MCC: variants seen among roughly 807,000 people sequenced by gnomAD.
MCC encodes colorectal mutant cancer protein.
In MCC, 90 loss-of-function variants were observed where a neutral mutation model predicts 116.2. The observed-to-expected ratio is 0.77, with a 90% CI of 0.65 to 0.92. The LOEUF is 0.92. MCC is among the 40% of genes least tolerant of loss of function. The pLI, the probability that MCC is intolerant of heterozygous loss-of-function variation, is 0.00. For missense variants in MCC, 1,516 were observed against 1,312.2 expected, an observed-to-expected ratio of 1.16 and a Z score of -2.40; for synonymous variants, 578 against 510.5, an observed-to-expected ratio of 1.13 and a Z score of -1.78.
At chr5:113,354,059 C>T (rs747439932) in intron 2 of MCC, among the ~76,000 whole-genome samples, 1 of 152,142 alleles carries the variant, frequency 6.6e-6, no homozygotes, top group Non-Finnish European at 1.5e-5. Context: ...CCTTCCCTCC[C>T]CACCAAATCT....
At chr5:113,246,769 G>C (rs7724717) in intron 3 of MCC, among the ~76,000 whole-genome samples, 24,139 of 152,202 alleles carry the variant, frequency 0.16, 2,263 homozygotes, top group Admixed American at 0.29. Flanking sequence ...CTTCTGTAAA[G>C]CACTCTACTC....
chr5:113,335,954 A>G (rs978221479), intron 3 of MCC, among the ~76,000 whole-genome samples: 3 of 151,802 alleles, frequency 2.0e-5, no homozygotes, highest in African/African-American at 7.3e-5. Flanking sequence ...CGGGTAATTT[A>G]TAATGAATAG....
At chr5:113,418,004 G>C (rs1021251144) in intron 1 of MCC, among the ~76,000 whole-genome samples, 3 of 151,896 alleles carry the variant, frequency 2.0e-5, no homozygotes, top group South Asian at 4.2e-4. Context: ...TAAAGGATAT[G>C]AGACTTAAAT....
intron 3 of MCC, among the ~76,000 whole-genome samples, chr5:113,188,989 G>C (rs1325617038): frequency 1.3e-5 from 2 of 152,232 alleles, no homozygotes; most frequent in African/African-American, 2.4e-5. Context: ...TACTCTGTGA[G>C]ACACAGCTGA....
chr5:113,457,511 C>G (rs1372964568), intron 1 of MCC, among the ~76,000 whole-genome samples: 2 of 152,238 alleles, frequency 1.3e-5, no homozygotes, highest in Non-Finnish European at 2.9e-5. Context: ...ATCGATCACC[C>G]AAGCGCTGAG....
At chr5:113,241,561 T>G (rs543455785) in intron 3 of MCC, among the ~76,000 whole-genome samples, 1 of 152,198 alleles carries the variant, frequency 6.6e-6, no homozygotes, top group Non-Finnish European at 1.5e-5. Context: ...TAGAGAGAGA[T>G]TGGACCTCCA....
chr5:113,411,761 A>T (rs562033731), intron 1 of MCC, among the ~76,000 whole-genome samples: 6 of 152,274 alleles, frequency 3.9e-5, no homozygotes, highest in African/African-American at 1.2e-4. Context: ...GCTGTGCAGA[A>T]GCTCTTTAGT....
chr5:113,439,690 C>G (rs26985), intron 1 of MCC, among the ~76,000 whole-genome samples: 92,901 of 152,006 alleles, frequency 0.61, 30,890 homozygotes, highest in African/African-American at 0.88. Context: ...GTTAATAACT[C>G]ATTCAATCTC....
chr5:113,075,537 C>T (rs1754380954), intron 11 of MCC, among the ~76,000 whole-genome samples: 1 of 152,198 alleles, frequency 6.6e-6, no homozygotes, highest in Admixed American at 6.5e-5. Flanking sequence ...TTAAGTCTAG[C>T]TGGAGGATTG....
intron 3 of MCC, among the ~76,000 whole-genome samples, chr5:113,179,734 C>A (rs1406792038): frequency 6.6e-6 from 1 of 152,116 alleles, no homozygotes. Context: ...AATTAGGAAC[C>A]ACACACATTT....
intron 3 of MCC, among the ~76,000 whole-genome samples, chr5:113,173,069 C>A (rs939933988): frequency 6.6e-6 from 1 of 152,164 alleles, no homozygotes; most frequent in Non-Finnish European, 1.5e-5. Context: ...ACCAGATACA[C>A]TGCAAATACT....
chr5:113,132,633 T>C (rs1022717580), intron 5 of MCC, among the ~76,000 whole-genome samples: 1 of 152,148 alleles, frequency 6.6e-6, no homozygotes, highest in African/African-American at 2.4e-5. Context: ...AATTAGTTCT[T>C]TACTTAATGA....
chr5:113,147,480 A>C (rs1179112321), intron 4 of MCC, among the ~76,000 whole-genome samples: 1 of 152,162 alleles, frequency 6.6e-6, no homozygotes, highest in Non-Finnish European at 1.5e-5. Flanking sequence ...CAAACCTAAG[A>C]GCATTATGAA....
chr5:113,027,261 G>C lies in MCC; in HGVS notation c.*41C>G. On this transcript the variant is annotated 3_prime_UTR_variant, in exon 19 of 19. Coordinates refer to ENST00000408903, the MANE Select transcript of MCC (RefSeq NM_001085377.2). ...CTTCTGTCCCCAGTGGCCTGCTGCAGTTTACTTCCCATGGGCAGAACTCCG... is the reference window on the plus strand; with the variant it reads ...CTTCTGTCCCCAGTGGCCTGCTGCACTTTACTTCCCATGGGCAGAACTCCG... 6.2e-7 allele frequency: 1 copy of C among 1,605,012 alleles called. No individual in the cohort carries two copies. Among genetic ancestry groups the C allele is most frequent in the Non-Finnish European group, 8.5e-7 (1 of 1,174,466 alleles).
At chr5:113,180,943 T>C (rs1561433599) in intron 3 of MCC, among the ~76,000 whole-genome samples, 1 of 152,206 alleles carries the variant, frequency 6.6e-6, no homozygotes, top group Non-Finnish European at 1.5e-5. Flanking sequence ...TTTATGTCTT[T>C]ACAGTTTAAT....
rs116164859 is a variant in MCC at position 113,286,086 on chromosome 5, T to C, written c.627+54433A>G. Among the ~76,000 whole-genome samples, 665 of 152,336 alleles carry C rather than the reference T, an allele frequency of 4.4e-3. 5 individuals are homozygous for C. The highest frequency in any genetic ancestry group is 0.011 in the African/African-American group (437 of 41,578). ...ACATATTGACTAGGTGCTGGCAATA[T>C]AGTGATCAACTTTACTCTGTCTCTG... On this transcript the variant is annotated intron_variant, in intron 3 of 18. Transcript: ENST00000408903.
chr5:113,095,996 C>G (rs943379968), intron 8 of MCC, among the ~76,000 whole-genome samples: 22 of 152,158 alleles, frequency 1.4e-4, no homozygotes, highest in African/African-American at 5.3e-4. Flanking sequence ...TGCCTCCATG[C>G]CTTGGGAGCC....
At chr5:113,076,509 T>C (rs550334610) in intron 11 of MCC, among the ~76,000 whole-genome samples, 5 of 152,246 alleles carry the variant, frequency 3.3e-5, no homozygotes, top group Admixed American at 6.5e-5. Flanking sequence ...CAATATTAAA[T>C]ACTCTTAAAG....
At chr5:113,481,626 C>G (rs956613579) in intron 1 of MCC, among the ~76,000 whole-genome samples, 2 of 152,098 alleles carry the variant, frequency 1.3e-5, no homozygotes, top group Non-Finnish European at 2.9e-5. Context: ...GTAGTCCCAG[C>G]TACTCAGGAG....
Sources: allele counts gnomAD v4.1 joint callset (sites outside exome capture counted in the v4.1 genomes callset), GRCh38; gene constraint gnomAD v4.1.1; transcripts MANE v1.5; gene names NCBI Gene and HGNC (gene_info 2026-07-23, HGNC 2026-07-21).